Variants in SLC20A2 observed in about 807,000 individuals in gnomAD.
The protein encoded by SLC20A2 is solute carrier family 20 member 2.
A neutral mutation model predicts 61.0 loss-of-function variants in SLC20A2; 30 were observed. That is an observed-to-expected ratio of 0.49 (90% CI 0.37 to 0.67). The LOEUF (loss-of-function observed/expected upper bound fraction) is 0.67. Ranked by LOEUF, SLC20A2 falls within the 30% of genes least tolerant of loss-of-function variation. The probability of loss-of-function intolerance (pLI) is 0.00; values close to 1 mark genes in which losing one functional copy is unlikely to be tolerated. For missense variants in SLC20A2, 626 were observed against 866.4 expected (o/e 0.72, Z 3.48); for synonymous variants, 351 against 353.3 (o/e 0.99, Z 0.07).
chr8:42,479,018 C>T (rs962345855), intron 1 of SLC20A2, among the ~76,000 whole-genome samples: 36 of 152,068 alleles, frequency 2.4e-4, no homozygotes, highest in African/African-American at 7.5e-4. Context: ...ACAATGGCAG[C>T]GAGAAGACGG....
chr8:42,489,332 G>A lies in SLC20A2; in HGVS notation c.-265+11699C>T, dbSNP rs1410825844. 7.9e-5 allele frequency among the ~76,000 whole-genome samples: 12 copies of A among 151,852 alleles called. 1 individual carries two copies. Among genetic ancestry groups the A allele is most frequent in the Non-Finnish European group, 1.5e-4 (10 of 67,992 alleles). On this transcript the variant is annotated intron_variant, in intron 1 of 10. Transcript: ENST00000520262. ...TACCTTCTTTCCATTACCTAAACACGGTTTTCTTTAGTCTTTGAACGTACG... is the reference window on the plus strand; with the variant it reads ...TACCTTCTTTCCATTACCTAAACACAGTTTTCTTTAGTCTTTGAACGTACG...
At position 42,466,306 on chromosome 8, in the gene SLC20A2, G is replaced by A. The variant is rs544395239; in HGVS notation, c.290-389C>T. Reference sequence around the variant, plus strand: ...TCACTATGTTAGCCAGGCTGGTCTCGAACCCCTAACCTCAAGTGATCTACC... The same window carrying A: ...TCACTATGTTAGCCAGGCTGGTCTCAAACCCCTAACCTCAAGTGATCTACC... On this transcript the variant is annotated intron_variant, in intron 2 of 10. Transcript: ENST00000520262. 5.5e-4 allele frequency among the ~76,000 whole-genome samples: 84 copies of A among 152,222 alleles called. 1 individual carries two copies. Among genetic ancestry groups the A allele is most frequent in the Middle Eastern group, 6.8e-3 (2 of 294 alleles).
intron 1 of SLC20A2, among the ~76,000 whole-genome samples, chr8:42,510,140 A>C (rs978908424): frequency 2.0e-5 from 3 of 152,204 alleles, no homozygotes; most frequent in Non-Finnish European, 4.4e-5. Context: ...AACAAATATT[A>C]AACTGAGTTT....
chr8:42,462,071 C>T (rs536396337), intron 4 of SLC20A2, among the ~76,000 whole-genome samples: 5 of 151,942 alleles, frequency 3.3e-5, no homozygotes, highest in African/African-American at 9.7e-5. Flanking sequence ...GGGGACCAGG[C>T]GAATCTGGGG....
At chr8:42,418,366 C>T (rs955613817) in intron 10 of SLC20A2, among the ~76,000 whole-genome samples, 15 of 152,022 alleles carry the variant, frequency 9.9e-5, no homozygotes, top group African/African-American at 3.6e-4. Context: ...GGGGTTTCAC[C>T]ATGTTGGCCA....
At chr8:42,422,335 G>A (rs941876477) in intron 10 of SLC20A2, among the ~76,000 whole-genome samples, 10 of 152,164 alleles carry the variant, frequency 6.6e-5, no homozygotes, top group Admixed American at 4.6e-4. Context: ...TTACAGGCAC[G>A]AGCCACCATG....
chr8:42,442,329 A>C (rs1453337128), intron 6 of SLC20A2, among the ~76,000 whole-genome samples: 2 of 152,088 alleles, frequency 1.3e-5, no homozygotes, highest in Admixed American at 6.6e-5. Flanking sequence ...TTTTTTTCTA[A>C]AAGTCTTATT....
chr8:42,499,484 A>G (rs917610384), intron 1 of SLC20A2, among the ~76,000 whole-genome samples: 2 of 152,194 alleles, frequency 1.3e-5, no homozygotes, highest in Non-Finnish European at 2.9e-5. Flanking sequence ...TTAGCAACTC[A>G]TCATAAAGCA....
Position 42,437,678 on chromosome 8 carries a change from G to A in SLC20A2, c.935-101C>T. On this transcript the variant is annotated intron_variant, in intron 7 of 10. Transcript: ENST00000520262. This position sits in a 1 kb window ranked among gnomAD's most constrained non-coding sequence, Gnocchi z 6.4. ...TCTGTCCTCAGGGTGGAGTACAATG[G>A]CGCAATCTCGGCTCACTGCAACCTT... The A allele has an allele frequency of 1.0e-6, 1 of 999,548 alleles. No individual in the cohort carries two copies. 61.9% of individuals were successfully genotyped at this position (999,548 alleles called of 1,614,324 possible). A position where few individuals can be genotyped will look rare whatever the true frequency, so the allele number is the denominator to read the frequency against.
rs186049204 is a variant in SLC20A2 at position 42,534,241 on chromosome 8, C to T, written c.-265+7580G>A. The stretch of plus-strand genomic sequence containing the variant: ...TTGCAGTTAGCCGCGATCGCATCAT[C>T]GCACTCCAACCAGTCTGGGCGACAG... On this transcript the variant is annotated intron_variant, in intron 1 of 10. Coordinates refer to the SLC20A2 transcript ENST00000342228. Among the ~76,000 whole-genome samples, 14 of 152,102 alleles carry T rather than the reference C, an allele frequency of 9.2e-5. No individual in the cohort carries two copies. In the East Asian group the frequency reaches 9.7e-4, roughly 11 times the overall value.
rs991030973 is a variant in SLC20A2 at position 42,527,773 on chromosome 8, AAAAT to A, written c.-265+14044_-265+14047del. ...ACAAGAGCGAAACTCCGTCTCAAAA[AAAAT>A]AAATAAATAAAGGAAAAAATTTTGA... On this transcript the variant is annotated intron_variant, in intron 1 of 10. Coordinates refer to the SLC20A2 transcript ENST00000342228. Among the ~76,000 whole-genome samples the A allele has an allele frequency of 1.6e-4, 25 of 152,286 alleles. No individual in the cohort carries two copies. In the East Asian group the frequency reaches 4.1e-3, roughly 25 times the overall value.
At position 42,441,445 on chromosome 8, in the gene SLC20A2, C is replaced by CA. The variant is rs1563460040; in HGVS notation, c.731-1793_731-1792insT. The stretch of plus-strand genomic sequence containing the variant: ...GGGATTACAGGCATGAGTCACCGTG[C>CA]CTGGGCTATTTTGTTCTTTTTGTTT... On this transcript the variant is annotated intron_variant, in intron 6 of 10. Transcript: ENST00000520262. Among the ~76,000 whole-genome samples, 340 of 151,608 alleles carry CA rather than the reference C, an allele frequency of 2.2e-3. 9 individuals are homozygous for CA. Among genetic ancestry groups the CA allele is most frequent in the African/African-American group, 7.4e-3 (306 of 41,152 alleles).
At position 42,417,702 on chromosome 8, in the gene SLC20A2, C is replaced by T. The variant is rs534860516; in HGVS notation, c.*101G>A. ...GGCAGAGAGCTGGTCATGAGAGAGCCGTGCACGGCCAGGATGTGTATGTGC... is the reference window on the plus strand; with the variant it reads ...GGCAGAGAGCTGGTCATGAGAGAGCTGTGCACGGCCAGGATGTGTATGTGC... On this transcript the variant is annotated 3_prime_UTR_variant, in exon 11 of 11. Coordinates refer to ENST00000520262, the MANE Select transcript of SLC20A2 (RefSeq NM_001257180.2). 1.4e-4 allele frequency: 181 copies of T among 1,295,552 alleles called. 1 individual carries two copies. Among genetic ancestry groups the T allele is most frequent in the African/African-American group, 1.3e-3 (92 of 69,012 alleles). 80.3% of individuals were successfully genotyped at this position (1,295,552 alleles called of 1,614,324 possible).
At chr8:42,541,747 G>GGCCGCGTCACCCGGCCCCGCCCCGC (rs1362514132) in intron 1 of SLC20A2, 1 of 149,050 alleles carries the variant, frequency 6.7e-6, no homozygotes, top group African/African-American at 2.4e-5. Flanking sequence ...TCCCCGGCGG[G>GGCCGCGTCACCCGGCCCCGCCCCGC]GCCGCGTCAC....
chr8:42,503,941 G>A (rs1014385924), upstream of SLC20A2, among the ~76,000 whole-genome samples: 1 of 152,084 alleles, frequency 6.6e-6, no homozygotes, highest in African/African-American at 2.4e-5. Flanking sequence ...TAGATACTTG[G>A]CATCCTTTGT....
At chr8:42,497,132 AC>A in intron 1 of SLC20A2, among the ~76,000 whole-genome samples, 1 of 152,238 alleles carries the variant, frequency 6.6e-6, no homozygotes, top group Non-Finnish European at 1.5e-5. Flanking sequence ...TCTCTAAGTG[AC>A]AAAAGGAAAT....
At chr8:42,501,581 C>T (rs1175261349), upstream of SLC20A2, 5 of 152,188 alleles carry the variant, frequency 3.3e-5, 1 homozygote, top group Non-Finnish European at 5.9e-5. Flanking sequence ...TGCAGCACTA[C>T]GTGAAATTAA....
intron 7 of SLC20A2, 125 bp downstream of exon 7, chr8:42,439,325 A>G (rs552683974): frequency 4.5e-6 from 4 of 894,242 alleles, no homozygotes; most frequent in African/African-American, 1.7e-5. Flanking sequence ...GGTTTTCTCA[A>G]ATTATAAAAC....
chr8:42,483,059 A>T (rs2131280423), intron 1 of SLC20A2, among the ~76,000 whole-genome samples: 1 of 140,974 alleles, frequency 7.1e-6, no homozygotes, highest in East Asian at 2.2e-4. Flanking sequence ...AAAGAAAAAC[A>T]ACTGGGCTGG....
Sources: gnomAD v4.1 joint callset for allele counts (sites outside exome capture counted in the v4.1 genomes callset) on GRCh38, gnomAD v4.1.1 for gene constraint, Gnocchi (gnomAD v3.1) non-coding constraint, MANE v1.5 for transcripts, NCBI Gene and HGNC (gene_info 2026-07-23, HGNC 2026-07-21) for gene names.